B3GAT2: variants seen among roughly 807,000 people sequenced by gnomAD.
B3GAT2 encodes the protein galactosylgalactosylxylosylprotein 3-beta-glucuronosyltransferase 2.
B3GAT2 carries 26 observed loss-of-function variants against 27.8 expected under a neutral mutation model. The ratio of observed to expected loss-of-function variants is 0.93; its 90% CI spans 0.68 to 1.30. B3GAT2 has a LOEUF of 1.30. B3GAT2 is among the 50% of genes most tolerant of loss of function. The probability of loss-of-function intolerance (pLI) is 0.00; values close to 1 mark genes in which losing one functional copy is unlikely to be tolerated. For synonymous variants in B3GAT2, 218 were observed against 195.1 expected (o/e 1.12, Z -0.98); for missense variants, 458 against 459.0 (o/e 1.00, Z 0.02).
chr6:70,936,010 C>T (rs1004111309), intron 1 of B3GAT2, among the ~76,000 whole-genome samples: 1 of 151,446 alleles, frequency 6.6e-6, no homozygotes, highest in Admixed American at 6.6e-5. Context: ...GGAAACCCAT[C>T]TCACGTGCAG....
At chr6:70,880,922 GC>G (rs1772090647) in intron 2 of B3GAT2, among the ~76,000 whole-genome samples, 1 of 152,018 alleles carries the variant, frequency 6.6e-6, no homozygotes, top group Non-Finnish European at 1.5e-5. Context: ...TCCTGCCTTC[GC>G]CTTCCAAAGT....
chr6:70,860,670 T>A lies in B3GAT2; in HGVS notation c.*993A>T, dbSNP rs1771679438. On this transcript the variant is annotated 3_prime_UTR_variant, in exon 4 of 4. Transcript: ENST00000230053. ...CATATAAGGGAAGTAGTTATCATGT[T>A]AGTAATACCTCTAATAGTATAAACC... 1 of 416,746 alleles carries A rather than the reference T, an allele frequency of 2.4e-6. No homozygotes were observed. Among genetic ancestry groups the A allele is most frequent in the Admixed American group, 4.1e-5 (1 of 24,638 alleles). 25.8% of individuals were successfully genotyped at this position (416,746 alleles called of 1,614,324 possible). A position where few individuals can be genotyped will look rare whatever the true frequency, so the allele number is the denominator to read the frequency against.
At chr6:70,939,926 G>A (rs1256634715) in intron 1 of B3GAT2, among the ~76,000 whole-genome samples, 2 of 151,866 alleles carry the variant, frequency 1.3e-5, no homozygotes, top group African/African-American at 4.8e-5. Context: ...ATAAAATGTA[G>A]ATGTCAATTA....
At chr6:70,941,940 T>C (rs76333430) in intron 1 of B3GAT2, among the ~76,000 whole-genome samples, 2,882 of 152,288 alleles carry the variant, frequency 0.019, 111 homozygotes, top group East Asian at 0.1. Context: ...TATCATATTA[T>C]TTAATGTGAT....
chr6:70,859,748 A>G lies in B3GAT2; in HGVS notation c.*1915T>C, dbSNP rs1010803819. 5.5e-6 allele frequency: 1 copy of G among 181,136 alleles called. No homozygotes were observed. Among genetic ancestry groups the G allele is most frequent in the Non-Finnish European group, 1.1e-5 (1 of 87,546 alleles). The allele number at this position is 181,136 out of a possible 1,614,324, so 11.2% of individuals were successfully genotyped here. Reference sequence around the variant, plus strand: ...AGATGTTTATGTTGTTAGATCAGCGAGAGAAATAAATGCTTTATGACCACT... The same window carrying G: ...AGATGTTTATGTTGTTAGATCAGCGGGAGAAATAAATGCTTTATGACCACT... On this transcript the variant is annotated 3_prime_UTR_variant, in exon 4 of 4. Coordinates refer to ENST00000230053, the MANE Select transcript of B3GAT2 (RefSeq NM_080742.3).
At chr6:70,929,476 A>C (rs1302115597) in intron 1 of B3GAT2, among the ~76,000 whole-genome samples, 1 of 152,330 alleles carries the variant, frequency 6.6e-6, no homozygotes, top group East Asian at 1.9e-4. Flanking sequence ...AAATCTCCTT[A>C]AGCTGATAAG....
chr6:70,873,882 A>G (rs562523274), intron 2 of B3GAT2, among the ~76,000 whole-genome samples: 35 of 152,090 alleles, frequency 2.3e-4, no homozygotes, highest in African/African-American at 8.2e-4. Flanking sequence ...CAGCATTTCT[A>G]TTTGGTTCTT....
chr6:70,869,559 A>T (rs1004799890), intron 2 of B3GAT2, among the ~76,000 whole-genome samples: 3 of 152,206 alleles, frequency 2.0e-5, no homozygotes, highest in Non-Finnish European at 4.4e-5. Context: ...ATCCATGAAC[A>T]TATCTTTCCA....
chr6:70,882,885 GT>G (rs1772120935), intron 2 of B3GAT2, among the ~76,000 whole-genome samples: 1 of 152,074 alleles, frequency 6.6e-6, no homozygotes, highest in African/African-American at 2.4e-5. Context: ...ATCCATTTCT[GT>G]TGGTGAAGTC....
In B3GAT2 at chr6:70,902,687, C is replaced by G. The variant is rs181992774; in HGVS notation, c.592-8415G>C. 1.3e-3 allele frequency among the ~76,000 whole-genome samples: 200 copies of G among 149,926 alleles called. 1 individual carries two copies. The highest frequency in any genetic ancestry group is 4.9e-3 in the African/African-American group (197 of 40,606). ...ACACATATATATATATACACATAAA[C>G]ACAATAGGGTACTATTCTGCCTTAG... On this transcript the variant is annotated intron_variant, in intron 1 of 3. Coordinates refer to ENST00000230053, the MANE Select transcript of B3GAT2 (RefSeq NM_080742.3).
At chr6:70,868,011 A>T (rs1771878627) in intron 2 of B3GAT2, among the ~76,000 whole-genome samples, 2 of 152,176 alleles carry the variant, frequency 1.3e-5, no homozygotes. Flanking sequence ...AAATCAATCA[A>T]TGTAATTCAC....
chr6:70,857,946 T>A lies in B3GAT2; in HGVS notation c.*3717A>T. 1 of 1,614,140 alleles carries A rather than the reference T, an allele frequency of 6.2e-7. No individual in the cohort carries two copies. Among genetic ancestry groups the A allele is most frequent in the Non-Finnish European group, 8.5e-7 (1 of 1,179,998 alleles). On this transcript the variant is annotated 3_prime_UTR_variant, in exon 4 of 4. Coordinates refer to ENST00000230053, the MANE Select transcript of B3GAT2 (RefSeq NM_080742.3). ...GGTGTATTTATGGGACCCACAAATA[T>A]ACCATTTACCTCACAAGCACCAGCT...
Position 70,860,145 on chromosome 6 carries a change from C to A in B3GAT2, c.*1518G>T. On this transcript the variant is annotated 3_prime_UTR_variant, in exon 4 of 4. Transcript: ENST00000230053. Reference sequence around the variant, plus strand: ...ATGACCAACTGTGTGGCTAAAGAAACAAGAATTAAAAGTGAAGTAAGCCTC... The same window carrying A: ...ATGACCAACTGTGTGGCTAAAGAAAAAAGAATTAAAAGTGAAGTAAGCCTC... The A allele has an allele frequency of 6.6e-7, 1 of 1,508,828 alleles. No homozygotes were observed. The highest frequency in any genetic ancestry group is 8.9e-7 in the Non-Finnish European group (1 of 1,128,238). 93.5% of individuals were successfully genotyped at this position (1,508,828 alleles called of 1,614,324 possible).
At chr6:70,914,341 T>G (rs767741885) in intron 1 of B3GAT2, among the ~76,000 whole-genome samples, 1 of 152,108 alleles carries the variant, frequency 6.6e-6, no homozygotes, top group African/African-American at 2.4e-5. Flanking sequence ...GTCCACGTGT[T>G]CCCATAGTTC....
Position 70,860,479 on chromosome 6 carries a change from C to T in B3GAT2, c.*1184G>A. 1.1e-6 allele frequency: 1 copy of T among 921,712 alleles called. No individual in the cohort carries two copies. The highest frequency in any genetic ancestry group is 3.6e-5 in the Admixed American group (1 of 28,076). The allele number at this position is 921,712 out of a possible 1,614,324, so 57.1% of individuals were successfully genotyped here. Reference sequence around the variant, plus strand: ...GAATGATCTGATTGACCGTGTTGGTCTGTACTGATTCAATTTGATGTGGTG... The same window carrying T: ...GAATGATCTGATTGACCGTGTTGGTTTGTACTGATTCAATTTGATGTGGTG... On this transcript the variant is annotated 3_prime_UTR_variant, in exon 4 of 4. Transcript: ENST00000230053.
chr6:70,917,428 T>G (rs1236827182), intron 1 of B3GAT2, among the ~76,000 whole-genome samples: 2 of 152,176 alleles, frequency 1.3e-5, no homozygotes, highest in Non-Finnish European at 2.9e-5. Context: ...ATTTCTTGTC[T>G]TCTGCTAGCT....
At chr6:70,895,147 A>T (rs1433957196) in intron 1 of B3GAT2, among the ~76,000 whole-genome samples, 1 of 152,200 alleles carries the variant, frequency 6.6e-6, no homozygotes, top group Non-Finnish European at 1.5e-5. Context: ...TACAAGCTGG[A>T]CTTAAGCTCC....
At chr6:70,885,062 G>A (rs1000363823) in intron 2 of B3GAT2, among the ~76,000 whole-genome samples, 2 of 152,174 alleles carry the variant, frequency 1.3e-5, no homozygotes, top group Admixed American at 6.5e-5. Context: ...CTATTTACAT[G>A]AGTAAAATAA....
In B3GAT2 at chr6:70,928,315, C is replaced by T. The variant is rs926808364; in HGVS notation, c.591+27524G>A. ...CAAACACATTCAAAAGCTAGCAGAACGCAAGAAATAACTAAGATCAGACCA... is the reference window on the plus strand; with the variant it reads ...CAAACACATTCAAAAGCTAGCAGAATGCAAGAAATAACTAAGATCAGACCA... On this transcript the variant is annotated intron_variant, in intron 1 of 3. Transcript: ENST00000230053. Among the ~76,000 whole-genome samples the T allele has an allele frequency of 6.0e-5, 9 of 150,010 alleles. No individual in the cohort carries two copies. In the East Asian group the frequency reaches 7.9e-4, roughly 13 times the overall value.
Sources: allele counts gnomAD v4.1 joint callset (sites outside exome capture counted in the v4.1 genomes callset), GRCh38; gene constraint gnomAD v4.1.1; transcripts MANE v1.5; gene names NCBI Gene and HGNC (gene_info 2026-07-23, HGNC 2026-07-21).